The following PTPRN2 variants were observed in gnomAD, a reference collection of about 807,000 sequenced individuals.
PTPRN2 encodes the protein receptor-type tyrosine-protein phosphatase N2.
In PTPRN2, 74 loss-of-function variants were observed where a neutral mutation model predicts 118.8. That is an observed-to-expected ratio of 0.62 (90% CI 0.52 to 0.76). PTPRN2 has a LOEUF of 0.76. Ranked by LOEUF, PTPRN2 falls within the 30% of genes least tolerant of loss-of-function variation. The pLI, the probability that PTPRN2 is intolerant of heterozygous loss-of-function variation, is 0.00. For missense variants in PTPRN2, 1,481 were observed against 1,394.4 expected (o/e 1.06, Z -0.99); for synonymous variants, 641 against 608.0 (o/e 1.05, Z -0.80).
At chr7:158,142,289 C>G (rs1819460971) in intron 6 of PTPRN2, among the ~76,000 whole-genome samples, 1 of 152,224 alleles carries the variant, frequency 6.6e-6, no homozygotes, top group Non-Finnish European at 1.5e-5. Flanking sequence ...ACGGGCAGCC[C>G]CTGGCCCCGG....
At position 158,140,249 on chromosome 7, in the gene PTPRN2, G is replaced by A. The variant is rs577394094; in HGVS notation, c.911-1734C>T. Among the ~76,000 whole-genome samples the A allele has an allele frequency of 2.5e-4, 38 of 152,348 alleles. No individual in the cohort carries two copies. The South Asian group carries it at 7.3e-3, about 29-fold the overall frequency. On this transcript the variant is annotated intron_variant, in intron 6 of 22. Coordinates refer to ENST00000389418, the MANE Select transcript of PTPRN2 (RefSeq NM_002847.5). ...CTCACCGCGTCCAGGAAGTGGCACA[G>A]TGACAACTCCGAGGAGACTGTTTCA...
intron 12 of PTPRN2, among the ~76,000 whole-genome samples, chr7:157,698,123 A>G (rs1261567266): frequency 6.6e-6 from 1 of 152,276 alleles, no homozygotes; most frequent in Admixed American, 6.5e-5. Flanking sequence ...TATGTTAGAT[A>G]TAACATAAGC....
At chr7:158,395,296 G>C (rs1368470291) in intron 2 of PTPRN2, among the ~76,000 whole-genome samples, 22 of 139,216 alleles carry the variant, frequency 1.6e-4, no homozygotes, top group Middle Eastern at 4.0e-3. Context: ...AGGGGTGAGG[G>C]GTGAGGGGCG....
chr7:158,075,925 AGCCGGGCT>A (rs1812322620), intron 11 of PTPRN2, among the ~76,000 whole-genome samples: 1 of 152,202 alleles, frequency 6.6e-6, no homozygotes, highest in Non-Finnish European at 1.5e-5. Context: ...CGGAACCTGG[AGCCGGGCT>A]GCCCAGGCCA....
chr7:158,345,581 G>A (rs1390629712), intron 2 of PTPRN2, among the ~76,000 whole-genome samples: 1 of 152,228 alleles, frequency 6.6e-6, no homozygotes, highest in Admixed American at 6.5e-5. Context: ...AGCTGGTGTG[G>A]CAGCAGTGGT....
intron 1 of PTPRN2, among the ~76,000 whole-genome samples, chr7:158,572,986 CT>C (rs1350581924): frequency 1.3e-5 from 2 of 152,188 alleles, no homozygotes; most frequent in African/African-American, 4.8e-5. Context: ...ATTTTCTAAG[CT>C]GAGGAATAGT....
At chr7:157,802,169 C>T (rs59233184) in intron 12 of PTPRN2, among the ~76,000 whole-genome samples, 1 of 152,144 alleles carries the variant, frequency 6.6e-6, no homozygotes, top group African/African-American at 2.4e-5. Flanking sequence ...CTCAACCGTA[C>T]GGCAGATGTC....
chr7:158,130,503 A>G (rs111244042), intron 9 of PTPRN2, among the ~76,000 whole-genome samples: 2,117 of 149,268 alleles, frequency 0.014, 70 homozygotes, highest in African/African-American at 0.044. Context: ...ACTTCTACCC[A>G]ACACACACAC....
chr7:157,715,944 A>G (rs549881740), intron 12 of PTPRN2, among the ~76,000 whole-genome samples: 36 of 152,370 alleles, frequency 2.4e-4, no homozygotes, highest in Admixed American at 1.9e-3. Flanking sequence ...CAGCTACACC[A>G]GCTCTGGGGT....
At chr7:158,124,233 G>A (rs1028455005) in intron 9 of PTPRN2, among the ~76,000 whole-genome samples, 1 of 152,194 alleles carries the variant, frequency 6.6e-6, no homozygotes, top group African/African-American at 2.4e-5. Context: ...CAATGCCAAC[G>A]GTCCCCACTC....
intron 6 of PTPRN2, among the ~76,000 whole-genome samples, chr7:158,152,723 C>G (rs1300407179): frequency 6.6e-6 from 1 of 152,210 alleles, no homozygotes; most frequent in Admixed American, 6.5e-5. Flanking sequence ...CCCCAAGACC[C>G]TGGCAGGCAC....
chr7:158,415,097 GATGAT>G (rs1814547521), intron 2 of PTPRN2, among the ~76,000 whole-genome samples: 1 of 150,984 alleles, frequency 6.6e-6, no homozygotes, highest in African/African-American at 2.4e-5. Context: ...CTACTTCTCT[GATGAT>G]ACAACCAGCT....
chr7:158,273,994 G>A (rs1401662127), intron 3 of PTPRN2, among the ~76,000 whole-genome samples: 27 of 120,712 alleles, frequency 2.2e-4, no homozygotes, highest in Non-Finnish European at 3.8e-4. Flanking sequence ...ACAGGGAGCC[G>A]CAGACACAGG....
chr7:158,158,181 G>C (rs1438703176), intron 6 of PTPRN2, among the ~76,000 whole-genome samples: 1 of 152,180 alleles, frequency 6.6e-6, no homozygotes, highest in East Asian at 1.9e-4. Flanking sequence ...CCTTTCAAGT[G>C]AAAATGACCC....
intron 12 of PTPRN2, among the ~76,000 whole-genome samples, chr7:157,742,509 G>A (rs1303432601): frequency 6.6e-6 from 1 of 151,376 alleles, no homozygotes; most frequent in African/African-American, 2.4e-5. Context: ...TCCAGAAGTG[G>A]GTATCTAGGT....
At chr7:158,081,155 C>T (rs995268219) in intron 11 of PTPRN2, 143 bp downstream of exon 11, 19 of 800,286 alleles carry the variant, frequency 2.4e-5, no homozygotes, top group Middle Eastern at 7.2e-4. Flanking sequence ...CAGATTTCCA[C>T]GGAAACCGAG....
At position 158,281,113 on chromosome 7, in the gene PTPRN2, G is replaced by T. The variant is rs574629374; in HGVS notation, c.277+35706C>A. Among the ~76,000 whole-genome samples, 3 of 152,290 alleles carry T rather than the reference G, an allele frequency of 2.0e-5. No homozygotes were observed. The East Asian group carries it at 5.8e-4, about 29-fold the overall frequency. The stretch of plus-strand genomic sequence containing the variant: ...GAGATCAGGAGTTCAAGACCAGCCT[G>T]ATCAACATAGTGAACCCCACCTCTA... On this transcript the variant is annotated intron_variant, in intron 3 of 22. Transcript: ENST00000389418.
intron 3 of PTPRN2, among the ~76,000 whole-genome samples, chr7:158,226,262 A>G (rs2150808751): frequency 6.6e-6 from 1 of 152,288 alleles, no homozygotes; most frequent in South Asian, 2.1e-4. Flanking sequence ...AAACTCAGAG[A>G]ACACTAGTGT....
chr7:157,811,527 C>T (rs367563601), intron 12 of PTPRN2, among the ~76,000 whole-genome samples: 2 of 151,958 alleles, frequency 1.3e-5, no homozygotes, highest in South Asian at 2.1e-4. Flanking sequence ...AGGGCTGGCA[C>T]CCAAATCCTA....
Sources: allele counts gnomAD v4.1 joint callset (sites outside exome capture counted in the v4.1 genomes callset), GRCh38; gene constraint gnomAD v4.1.1; transcripts MANE v1.5; gene names NCBI Gene and HGNC (gene_info 2026-07-23, HGNC 2026-07-21).